Variants in RBM47 observed in about 807,000 individuals in gnomAD.
RBM47 encodes the protein RNA binding motif protein 47.
RBM47 carries 21 observed loss-of-function variants against 47.1 expected under a neutral mutation model. The observed-to-expected ratio is 0.45, with a 90% CI of 0.32 to 0.64. The LOEUF (loss-of-function observed/expected upper bound fraction) is 0.64. RBM47 is among the 30% of genes least tolerant of loss of function. The pLI, the probability that RBM47 is intolerant of heterozygous loss-of-function variation, is 0.05. For synonymous variants in RBM47, 375 were observed against 361.7 expected (o/e 1.04, Z -0.42); for missense variants, 708 against 870.9 (o/e 0.81, Z 2.35).
chr4:40,517,432 C>G (rs982428234), intron 2 of RBM47, among the ~76,000 whole-genome samples: 3 of 152,176 alleles, frequency 2.0e-5, no homozygotes, highest in Admixed American at 2.0e-4. Context: ...CCACTGTGCC[C>G]GACCCTCAAC....
At chr4:40,494,494 C>A (rs1233098172) in intron 2 of RBM47, among the ~76,000 whole-genome samples, 1 of 152,114 alleles carries the variant, frequency 6.6e-6, no homozygotes, top group African/African-American at 2.4e-5. Flanking sequence ...CAGAGATAAT[C>A]CGGAGAGTCA....
rs73145544 is a variant in RBM47 at position 40,481,063 on chromosome 4, C to G, written c.-154-14364G>C. Among the ~76,000 whole-genome samples, 976 of 152,102 alleles carry G rather than the reference C, an allele frequency of 6.4e-3. 13 individuals are homozygous for G. Among genetic ancestry groups the G allele is most frequent in the African/African-American group, 0.022 (904 of 41,498 alleles). Reference sequence around the variant, plus strand: ...GGGCTCAGGAAGTGTGTGGTTTTGCCAAGTATTTTGTGAGTTTTACTCTTT... The same window carrying G: ...GGGCTCAGGAAGTGTGTGGTTTTGCGAAGTATTTTGTGAGTTTTACTCTTT... On this transcript the variant is annotated intron_variant, in intron 2 of 6. Transcript: ENST00000295971.
intron 1 of RBM47, among the ~76,000 whole-genome samples, chr4:40,569,687 G>A (rs1270931260): frequency 1.3e-5 from 2 of 149,554 alleles, no homozygotes; most frequent in African/African-American, 5.0e-5. Flanking sequence ...GGGATTACAG[G>A]CGTGAGTCAC....
chr4:40,432,019 T>TAA (rs145838197), intron 6 of RBM47, among the ~76,000 whole-genome samples: 100 of 147,082 alleles, frequency 6.8e-4, no homozygotes, highest in Middle Eastern at 3.5e-3. Context: ...CCAGGCTAAT[T>TAA]TAAAAAAAAA....
At chr4:40,536,735 T>C (rs1225902959) in intron 2 of RBM47, among the ~76,000 whole-genome samples, 1 of 151,552 alleles carries the variant, frequency 6.6e-6, no homozygotes, top group Non-Finnish European at 1.5e-5. Flanking sequence ...TTTTTTTTTA[T>C]TGTTGTTGTT....
At chr4:40,612,337 G>A (rs1025184708) in intron 1 of RBM47, among the ~76,000 whole-genome samples, 2 of 152,186 alleles carry the variant, frequency 1.3e-5, no homozygotes, top group Admixed American at 1.3e-4. Flanking sequence ...TTCAAGAACA[G>A]CCTCTACTAA....
Position 40,438,007 on chromosome 4 carries a change from T to C in RBM47, c.887A>G (p.His296Arg), listed in dbSNP as rs775615795. ...AGTGCCGTTGAGGTTGTTCATGGCA[T>C]GCACGGCATCCTCGCGGCTGGTGAA... ...VHFTSREDAV[H>R]AMNNLNGTEL... Residue 296 changes from histidine (H) to arginine (R), a missense_variant, in exon 4 of 7, where the codon CAT (histidine) becomes CGT (arginine). Coordinates refer to ENST00000295971, the MANE Select transcript of RBM47 (RefSeq NM_001098634.2). 1.2e-6 allele frequency: 2 copies of C among 1,613,740 alleles called. No individual in the cohort carries two copies. Among genetic ancestry groups the C allele is most frequent in the Non-Finnish European group, 1.7e-6 (2 of 1,180,026 alleles).
rs60673202 is a variant in RBM47, at chr4:40,429,688, CAAAAAAAAAA to C, written c.1542+2953_1542+2962del. ...TGGGTGACAAAGTGAGACTCCATCT[CAAAAAAAAAA>C]AAAAAAAAAAAAAAAAAAAGTGCCT... On this transcript the variant is annotated intron_variant, in intron 6 of 6. Transcript: ENST00000295971. 2.1e-3 allele frequency among the ~76,000 whole-genome samples: 79 copies of C among 38,102 alleles called. 1 individual carries two copies. The highest frequency in any genetic ancestry group is 0.011 in the African/African-American group (65 of 5,966). 25.0% of individuals were successfully genotyped at this position (38,102 alleles called of 152,430 possible). A position where few individuals can be genotyped will look rare whatever the true frequency, so the allele number is the denominator to read the frequency against.
At chr4:40,426,225 A>G in intron 6 of RBM47, 82 bp from the exon 7 acceptor site, 1 of 1,517,172 alleles carries the variant, frequency 6.6e-7, no homozygotes, top group Admixed American at 2.0e-5. Flanking sequence ...CTCTCCCAGA[A>G]GACGGGAATA....
At chr4:40,443,609 C>T (rs1714013593) in intron 3 of RBM47, among the ~76,000 whole-genome samples, 1 of 149,476 alleles carries the variant, frequency 6.7e-6, no homozygotes, top group African/African-American at 2.5e-5. Flanking sequence ...CTCAGCTACT[C>T]AGGATGCTAA....
chr4:40,540,298 A>G (rs1312186936), intron 2 of RBM47, among the ~76,000 whole-genome samples: 1 of 152,190 alleles, frequency 6.6e-6, no homozygotes, highest in East Asian at 1.9e-4. Flanking sequence ...AAATTTAAAA[A>G]AGAAATTAAC....
At chr4:40,562,535 G>A (rs370646748) in intron 1 of RBM47, among the ~76,000 whole-genome samples, 15 of 146,818 alleles carry the variant, frequency 1.0e-4, no homozygotes, top group Middle Eastern at 7.3e-3. Context: ...GTGCGACCTC[G>A]GCTCACTGCA....
At chr4:40,536,639 C>T (rs990019769) in intron 2 of RBM47, among the ~76,000 whole-genome samples, 1 of 152,060 alleles carries the variant, frequency 6.6e-6, no homozygotes, top group Admixed American at 6.6e-5. Context: ...TAATTGTCTG[C>T]TTCCCTGCCA....
intron 2 of RBM47, among the ~76,000 whole-genome samples, chr4:40,504,530 T>A (rs1723831313): frequency 3.3e-5 from 5 of 152,122 alleles, no homozygotes. Flanking sequence ...TGACCTCAAG[T>A]GATCCACCCG....
chr4:40,595,728 T>G (rs1427613987), intron 1 of RBM47, among the ~76,000 whole-genome samples: 2 of 151,102 alleles, frequency 1.3e-5, no homozygotes, highest in Non-Finnish European at 3.0e-5. Context: ...AACCTTTGTA[T>G]ATTTAGTCTC....
intron 3 of RBM47, among the ~76,000 whole-genome samples, chr4:40,449,861 T>C (rs1350419741): frequency 2.0e-5 from 3 of 151,942 alleles, no homozygotes; most frequent in African/African-American, 4.8e-5. Context: ...GTACTTTTTT[T>C]AGTAGAGATG....
In RBM47 at chr4:40,432,388, C is replaced by A. The variant is rs143389641; in HGVS notation, c.1542+263G>T. 3.8e-3 allele frequency among the ~76,000 whole-genome samples: 581 copies of A among 152,094 alleles called. 4 individuals carry two copies. Among genetic ancestry groups the A allele is most frequent in the African/African-American group, 0.013 (541 of 41,484 alleles). On this transcript the variant is annotated intron_variant, in intron 6 of 6. Coordinates refer to ENST00000295971, the MANE Select transcript of RBM47 (RefSeq NM_001098634.2). ...GTGCTATTTTAAAAAAATATATGCA[C>A]AATATTATGACACTGTGAAAAATTA...
chr4:40,581,041 G>A (rs1036533626), intron 1 of RBM47, among the ~76,000 whole-genome samples: 2 of 152,208 alleles, frequency 1.3e-5, no homozygotes, highest in East Asian at 3.8e-4. Context: ...TGGAGGCAGA[G>A]GTGGGAGCAC....
chr4:40,588,233 C>G (rs562556158), intron 1 of RBM47, among the ~76,000 whole-genome samples: 1 of 152,308 alleles, frequency 6.6e-6, no homozygotes, highest in Non-Finnish European at 1.5e-5. Context: ...GGGCTGCCTA[C>G]AGGGTGAGTC....
Sources: allele counts gnomAD v4.1 joint callset (sites outside exome capture counted in the v4.1 genomes callset), GRCh38; gene constraint gnomAD v4.1.1; transcripts MANE v1.5; gene names NCBI Gene and HGNC (gene_info 2026-07-23, HGNC 2026-07-21).